The following CD109 variants were observed in gnomAD, a reference collection of about 807,000 sequenced individuals.
The protein encoded by CD109 is CD109 antigen.
Under a neutral mutation model 165.8 loss-of-function variants are expected in CD109, and 149 were observed. The ratio of observed to expected loss-of-function variants is 0.90; its 90% CI spans 0.79 to 1.03. CD109 has a LOEUF of 1.03. Among genes scored for constraint, CD109 ranks in the 50% least tolerant of loss-of-function variants. The pLI, the probability that CD109 is intolerant of heterozygous loss-of-function variation, is 0.00. For missense variants in CD109, 1,712 were observed against 1,677.8 expected, an observed-to-expected ratio of 1.02 and a Z score of -0.36; for synonymous variants, 585 against 592.1, an observed-to-expected ratio of 0.99 and a Z score of 0.18.
rs771690670 is a variant in CD109, at chr6:73,762,505, C to T, written c.855+25C>T. On this transcript the variant is annotated intron_variant, in intron 8 of 32. Transcript: ENST00000287097. The stretch of plus-strand genomic sequence containing the variant: ...GGTAACTTTTGCAGACACTTTATAA[C>T]TTGTGATGGGTAAAATATGTGTATT... 7 of 1,392,074 alleles carry T rather than the reference C, an allele frequency of 5.0e-6. No individual in the cohort carries two copies. In the South Asian group the frequency reaches 7.1e-5, roughly 14 times the overall value. 86.2% of individuals were successfully genotyped at this position (1,392,074 alleles called of 1,614,324 possible). A position where few individuals can be genotyped will look rare whatever the true frequency, so the allele number is the denominator to read the frequency against.
intron 3 of CD109, among the ~76,000 whole-genome samples, chr6:73,729,872 C>G (rs548303659): frequency 6.6e-6 from 1 of 152,172 alleles, no homozygotes; most frequent in South Asian, 2.1e-4. Context: ...CCTACCAAGA[C>G]TATGACACAT....
intron 7 of CD109, among the ~76,000 whole-genome samples, chr6:73,760,251 C>CA (rs1438347388): frequency 9.9e-5 from 15 of 151,278 alleles, no homozygotes; most frequent in Non-Finnish European, 1.8e-4. Context: ...ACTGAAAATA[C>CA]AAAAAATTAG....
chr6:73,814,685 A>G lies in CD109; in HGVS notation c.3769-296A>G, dbSNP rs181118334. 6.7e-3 allele frequency among the ~76,000 whole-genome samples: 1,016 copies of G among 152,290 alleles called. 12 individuals carry two copies. The highest frequency in any genetic ancestry group is 0.04 in the South Asian group (192 of 4,828). On this transcript the variant is annotated intron_variant, in intron 29 of 32. Transcript: ENST00000287097. ...TCAAGAAAGTTTTTTCCTCAAGGGAATGTTTGCCCTCTTTGGCAAACCAGT... is the reference window on the plus strand; with the variant it reads ...TCAAGAAAGTTTTTTCCTCAAGGGAGTGTTTGCCCTCTTTGGCAAACCAGT...
At chr6:73,693,147 A>T (rs1022127866), upstream of CD109, among the ~76,000 whole-genome samples, 1 of 77,928 alleles carries the variant, frequency 1.3e-5, no homozygotes, top group Non-Finnish European at 2.6e-5. Flanking sequence ...AGGCTGGGTA[A>T]TTTATTAAAA....
At chr6:73,740,156 T>A (rs1305338089) in intron 5 of CD109, among the ~76,000 whole-genome samples, 1 of 152,118 alleles carries the variant, frequency 6.6e-6, no homozygotes, top group South Asian at 2.1e-4. Flanking sequence ...TGGGATTACA[T>A]GTGTGAGCCA....
chr6:73,782,504 C>T, intron 17 of CD109, 110 bp from the exon 18 acceptor site: 1 of 1,030,122 alleles, frequency 9.7e-7, no homozygotes, highest in Non-Finnish European at 1.4e-6. Context: ...CTCACTGGCA[C>T]ATTATGTCTC....
At chr6:73,818,742 G>A (rs1197287607) in intron 31 of CD109, among the ~76,000 whole-genome samples, 1 of 152,150 alleles carries the variant, frequency 6.6e-6, no homozygotes, top group Non-Finnish European at 1.5e-5. Context: ...TTAATGACGA[G>A]CCTGATGAAG....
chr6:73,783,526 T>C (rs552817318), intron 18 of CD109, among the ~76,000 whole-genome samples, 181 bp from the exon 19 acceptor site: 1 of 152,256 alleles, frequency 6.6e-6, no homozygotes, highest in Non-Finnish European at 1.5e-5. Context: ...TGATGACCTA[T>C]TCTTTGAAAA....
chr6:73,727,289 C>T (rs561555371), intron 3 of CD109, among the ~76,000 whole-genome samples: 19 of 152,274 alleles, frequency 1.2e-4, no homozygotes, highest in African/African-American at 4.3e-4. Flanking sequence ...CGTGGTGACA[C>T]CCCGAGACAT....
intron 2 of CD109, among the ~76,000 whole-genome samples, chr6:73,699,913 A>G (rs143429162): frequency 6.6e-6 from 1 of 152,276 alleles, no homozygotes; most frequent in Admixed American, 6.5e-5. Flanking sequence ...GGATCAAGAC[A>G]CTTCTCCCTG....
At chr6:73,756,878 A>G (rs1222705387) in intron 6 of CD109, among the ~76,000 whole-genome samples, 196 bp downstream of exon 6, 1 of 152,166 alleles carries the variant, frequency 6.6e-6, no homozygotes, top group Non-Finnish European at 1.5e-5. Flanking sequence ...AAAAAGTAGA[A>G]AAAAATCACC....
intron 5 of CD109, among the ~76,000 whole-genome samples, chr6:73,742,197 CT>C (rs201824651): frequency 0.065 from 9,644 of 149,434 alleles, 402 homozygotes; most frequent in African/African-American, 0.12. Flanking sequence ...CCCCCAGCCC[CT>C]GGCAGCCACT....
chr6:73,813,245 C>T (rs1444956490), intron 29 of CD109, among the ~76,000 whole-genome samples: 4 of 152,054 alleles, frequency 2.6e-5, no homozygotes, highest in Admixed American at 1.3e-4. Flanking sequence ...CTAACAAAGA[C>T]CATGGGAAAA....
chr6:73,744,980 G>A (rs929424692), intron 5 of CD109, among the ~76,000 whole-genome samples: 3 of 152,248 alleles, frequency 2.0e-5, no homozygotes, highest in African/African-American at 7.2e-5. Flanking sequence ...TCTGAGATAA[G>A]TGACGTGACC....
At chr6:73,766,694 G>T in intron 11 of CD109, 65 bp from the exon 12 acceptor site, 1 of 1,150,982 alleles carries the variant, frequency 8.7e-7, no homozygotes, top group Middle Eastern at 2.5e-4. Context: ...TGTTCAGCAG[G>T]TAACATCTTT....
intron 5 of CD109, among the ~76,000 whole-genome samples, chr6:73,746,621 T>C (rs1772993111): frequency 6.6e-6 from 1 of 152,008 alleles, no homozygotes; most frequent in South Asian, 2.1e-4. Flanking sequence ...AGGAAACAAG[T>C]TTGTCCCTTG....
At chr6:73,706,529 G>A (rs1163914852) in intron 2 of CD109, among the ~76,000 whole-genome samples, 5 of 152,202 alleles carry the variant, frequency 3.3e-5, no homozygotes, top group South Asian at 2.1e-4. Context: ...TGACCAAGGT[G>A]CAATGATAAA....
chr6:73,679,883 C>T, the CD109 span, among the ~76,000 whole-genome samples: 1 of 152,144 alleles, frequency 6.6e-6, no homozygotes, highest in African/African-American at 2.4e-5. Flanking sequence ...GATCTGCCTC[C>T]CTTGGCCTCC....
chr6:73,710,302 A>G (rs1771476388), intron 2 of CD109, among the ~76,000 whole-genome samples: 1 of 152,168 alleles, frequency 6.6e-6, no homozygotes, highest in Admixed American at 6.5e-5. Flanking sequence ...CCAATAACAG[A>G]CAAACAGAGA....
Sources: allele counts gnomAD v4.1 joint callset (sites outside exome capture counted in the v4.1 genomes callset), GRCh38; gene constraint gnomAD v4.1.1; transcripts MANE v1.5; gene names NCBI Gene and HGNC (gene_info 2026-07-23, HGNC 2026-07-21).